SPAST: variants seen among roughly 807,000 people sequenced by gnomAD.
The protein encoded by SPAST is spastic paraplegia 4 (autosomal dominant; spastin).
Under a neutral mutation model 76.6 loss-of-function variants are expected in SPAST, and 30 were observed. The observed-to-expected ratio is 0.39, with a 90% CI of 0.29 to 0.53. The LOEUF (loss-of-function observed/expected upper bound fraction) is 0.53, where lower values mean the gene tolerates loss of function less well. Ranked by LOEUF, SPAST falls within the 20% of genes least tolerant of loss-of-function variation. The pLI, the probability that SPAST is intolerant of heterozygous loss-of-function variation, is 0.68. For synonymous variants in SPAST, 305 were observed against 281.0 expected (o/e 1.09, Z -0.86); for missense variants, 717 against 770.5 (o/e 0.93, Z 0.82).
At chr2:32,064,301 CGCCGGGGGA>C in intron 1 of SPAST, 55 bp downstream of exon 1, 1 of 822,530 alleles carries the variant, frequency 1.2e-6, no homozygotes, top group Non-Finnish European at 1.9e-6. Flanking sequence ...GCGGTGGGGT[CGCCGGGGGA>C]GGGCAACACC....
At chr2:32,077,120 C>T (rs1201207928) in intron 1 of SPAST, among the ~76,000 whole-genome samples, 1 of 152,112 alleles carries the variant, frequency 6.6e-6, no homozygotes, top group African/African-American at 2.4e-5. Flanking sequence ...ATGATCCACA[C>T]ACCTTGGCCT....
At chr2:32,136,538 A>G (rs944276944) in intron 9 of SPAST, 25 bp from the exon 10 acceptor site, 14 of 1,538,354 alleles carry the variant, frequency 9.1e-6, no homozygotes, top group Non-Finnish European at 1.3e-5. Context: ...TTTTATGTGT[A>G]TAACAGTATA....
chr2:32,096,498 C>G (rs1189404016), intron 3 of SPAST, among the ~76,000 whole-genome samples: 2 of 151,930 alleles, frequency 1.3e-5, no homozygotes, highest in African/African-American at 4.8e-5. Flanking sequence ...CTGTATGTGT[C>G]TATGACTCCT....
intron 3 of SPAST, among the ~76,000 whole-genome samples, chr2:32,097,556 T>C (rs1471290904): frequency 6.6e-6 from 1 of 152,168 alleles, no homozygotes; most frequent in Admixed American, 6.6e-5. Context: ...CTTATTTGAC[T>C]TTGCTTTATT....
At position 32,064,194 on chromosome 2, in the gene SPAST, A is replaced by G; in HGVS notation, c.363A>G (p.Lys121=). The change falls in exon 1 of 17, where the codon AAA becomes AAG. Residue 121 remains lysine, a synonymous_variant. Transcript: ENST00000315285. The stretch of plus-strand genomic sequence containing the variant: ...CCGAGCGCGTCCGAGTCTTCCACAA[A>G]CAGGCCTTCGAGTACATCTCCATTG... ...GEAERVRVFH[K]QAFEYISIAL... 6.5e-7 allele frequency: 1 copy of G among 1,545,810 alleles called. No homozygotes were observed. The highest frequency in any genetic ancestry group is 1.2e-5 in the South Asian group (1 of 84,200).
At chr2:32,086,103 A>T (rs903688165) in intron 1 of SPAST, among the ~76,000 whole-genome samples, 2 of 152,066 alleles carry the variant, frequency 1.3e-5, no homozygotes, top group Non-Finnish European at 2.9e-5. Flanking sequence ...TCATTGTATT[A>T]TATTGATTTT....
At chr2:32,117,987 C>G (rs555805565) in intron 7 of SPAST, among the ~76,000 whole-genome samples, 136 of 152,236 alleles carry the variant, frequency 8.9e-4, no homozygotes, top group Middle Eastern at 3.4e-3. Flanking sequence ...AAATATTTGG[C>G]TTTCCATACT....
intron 12 of SPAST, among the ~76,000 whole-genome samples, chr2:32,137,633 G>T (rs1232497952): frequency 6.6e-6 from 1 of 152,096 alleles, no homozygotes; most frequent in Non-Finnish European, 1.5e-5. Context: ...TTACAATATT[G>T]CTCCATTGTT....
At chr2:32,104,113 T>G (rs1300014355) in intron 4 of SPAST, among the ~76,000 whole-genome samples, 5 of 152,198 alleles carry the variant, frequency 3.3e-5, no homozygotes, top group Admixed American at 6.5e-5. Context: ...CTCTAGGGAC[T>G]TGCTTTATGA....
At chr2:32,105,436 C>G (rs553937396) in intron 4 of SPAST, among the ~76,000 whole-genome samples, 2 of 152,160 alleles carry the variant, frequency 1.3e-5, no homozygotes, top group Non-Finnish European at 2.9e-5. Flanking sequence ...TATTACCCAT[C>G]GTCTGAGGCC....
intron 8 of SPAST, chr2:32,127,478 G>A (rs528761862): frequency 1.9e-4 from 33 of 173,308 alleles, no homozygotes; most frequent in African/African-American, 6.4e-4. Flanking sequence ...AACCATGTAC[G>A]TTATCTTCAG....
intron 3 of SPAST, among the ~76,000 whole-genome samples, chr2:32,095,974 A>C (rs994224201): frequency 6.6e-6 from 1 of 152,170 alleles, no homozygotes; most frequent in Non-Finnish European, 1.5e-5. Context: ...AAGGGTTTTA[A>C]GTAGAAGAGT....
chr2:32,130,327 A>C (rs1167707042), intron 9 of SPAST: 1 of 134,608 alleles, frequency 7.4e-6, no homozygotes, highest in East Asian at 2.8e-4. Flanking sequence ...TTATGGTTGA[A>C]AGTGTTTTGG....
intron 8 of SPAST, 71 bp downstream of exon 8, chr2:32,127,093 C>A: frequency 9.9e-7 from 1 of 1,013,588 alleles, no homozygotes; most frequent in Non-Finnish European, 1.6e-6. Context: ...GAAACTTTAT[C>A]TTGTCCTTGA....
chr2:32,100,296 C>T (rs533819565), intron 4 of SPAST, among the ~76,000 whole-genome samples: 1 of 147,326 alleles, frequency 6.8e-6, no homozygotes, highest in East Asian at 2.0e-4. Flanking sequence ...TTGTTTTTGA[C>T]GGTCCAGCTA....
chr2:32,123,588 A>G (rs1432479218), intron 7 of SPAST, among the ~76,000 whole-genome samples: 1 of 152,236 alleles, frequency 6.6e-6, no homozygotes, highest in Admixed American at 6.5e-5. Flanking sequence ...AAGAAGAAAA[A>G]AGTCAGAGGA....
At chr2:32,133,116 C>T (rs1179514662) in intron 9 of SPAST, among the ~76,000 whole-genome samples, 1 of 151,600 alleles carries the variant, frequency 6.6e-6, no homozygotes, top group African/African-American at 2.4e-5. Context: ...CCTGAGAAAG[C>T]TTTTGGGAGG....
chr2:32,066,541 G>A lies in SPAST; in HGVS notation c.415+2295G>A, dbSNP rs941462488. Among the ~76,000 whole-genome samples the A allele has an allele frequency of 1.2e-4, 18 of 151,982 alleles. 1 individual carries two copies. Among genetic ancestry groups the A allele is most frequent in the Admixed American group, 9.8e-4 (15 of 15,234 alleles). On this transcript the variant is annotated intron_variant, in intron 1 of 16. Coordinates refer to ENST00000315285, the MANE Select transcript of SPAST (RefSeq NM_014946.4). Reference sequence around the variant, plus strand: ...AAATTAGCTGGGCATGGTGACACATGCCTGTAGTCCCAGCTACTCAGGAGG... The same window carrying A: ...AAATTAGCTGGGCATGGTGACACATACCTGTAGTCCCAGCTACTCAGGAGG...
chr2:32,063,918 G>T lies in SPAST; in HGVS notation c.87G>T (p.Leu29=), dbSNP rs1373511876. Residue 29 remains leucine, a synonymous_variant, in exon 1 of 17, where the codon CTG becomes CTT. Transcript: ENST00000315285. ...PVPPRPPPPC[L]APAPPAAGPA... is the part of the protein sequence containing the mutation. ...CTCCCAGGCCTCCGCCCCCTTGCCT[G>T]GCCCCCGCCCCTCCCGCCGCCGGGC... 1.3e-6 allele frequency: 2 copies of T among 1,588,820 alleles called. No homozygotes were observed. The highest frequency in any genetic ancestry group is 1.7e-6 in the Non-Finnish European group (2 of 1,168,310).
Sources: gnomAD v4.1 joint callset for allele counts (sites outside exome capture counted in the v4.1 genomes callset) on GRCh38, gnomAD v4.1.1 for gene constraint, MANE v1.5 for transcripts, NCBI Gene and HGNC (gene_info 2026-07-23, HGNC 2026-07-21) for gene names.